The following CUL1 variants were observed in gnomAD, a reference collection of about 807,000 sequenced individuals.
CUL1 encodes the protein cullin-1.
In CUL1, 24 loss-of-function variants were observed where a neutral mutation model predicts 118.0. That is an observed-to-expected ratio of 0.20 (90% CI 0.15 to 0.29). The LOEUF is 0.29. Ranked by LOEUF, CUL1 falls within the 10% of genes least tolerant of loss-of-function variation. The pLI is 1.00. For synonymous variants in CUL1, 332 were observed against 340.4 expected, an observed-to-expected ratio of 0.98 and a Z score of 0.27; for missense variants, 361 against 933.8, an observed-to-expected ratio of 0.39 and a Z score of 7.99.
intron 11 of CUL1, 51 bp from the exon 12 acceptor site, chr7:148,786,500 T>G: frequency 7.2e-7 from 1 of 1,391,100 alleles, no homozygotes; most frequent in Admixed American, 1.7e-5. Context: ...AAGTGGTGCT[T>G]GTTTAAACGT....
At chr7:148,729,587 A>C (rs191099941) in intron 1 of CUL1, among the ~76,000 whole-genome samples, 1 of 152,246 alleles carries the variant, frequency 6.6e-6, no homozygotes, top group Admixed American at 6.5e-5. Flanking sequence ...CCTATTTATT[A>C]GCTGTTTGTG....
rs1412699655 is a variant in CUL1, at chr7:148,800,713, C to T, written c.*131C>T. 2 of 665,396 alleles carry T rather than the reference C, an allele frequency of 3.0e-6. No homozygotes were observed. The highest frequency in any genetic ancestry group is 1.8e-5 in the African/African-American group (1 of 54,782). The allele number at this position is 665,396 out of a possible 1,614,324, so 41.2% of individuals were successfully genotyped here. On this transcript the variant is annotated 3_prime_UTR_variant, in exon 22 of 22. Coordinates refer to ENST00000325222, the MANE Select transcript of CUL1 (RefSeq NM_003592.3). The surrounding 1 kb of genome is among the most constrained non-coding windows in gnomAD (Gnocchi z 4.6). ...CCTTTTAAAAACTGAGACCAAGACT[C>T]CCATCAGCTGGTCTCGGATTTACAT...
intron 1 of CUL1, among the ~76,000 whole-genome samples, chr7:148,729,748 T>C (rs1025330870): frequency 6.6e-6 from 1 of 152,234 alleles, no homozygotes; most frequent in East Asian, 1.9e-4. Flanking sequence ...TTTACCCAGG[T>C]TTTCTCTTGA....
intron 1 of CUL1, among the ~76,000 whole-genome samples, chr7:148,727,111 G>C (rs1798612059): frequency 6.6e-6 from 1 of 152,248 alleles, no homozygotes; most frequent in Non-Finnish European, 1.5e-5. Flanking sequence ...GCCTAGGACA[G>C]TGCCTGGCAT....
intron 9 of CUL1, among the ~76,000 whole-genome samples, chr7:148,768,902 G>A (rs544814746): frequency 6.6e-6 from 1 of 152,178 alleles, no homozygotes; most frequent in East Asian, 1.9e-4. Flanking sequence ...ATTATTAAAG[G>A]GTTGAGTATA....
chr7:148,720,628 A>G (rs1160593892), intron 1 of CUL1, among the ~76,000 whole-genome samples: 2 of 152,230 alleles, frequency 1.3e-5, no homozygotes, highest in Non-Finnish European at 2.9e-5. Flanking sequence ...CGTAACTCCT[A>G]GGATTCCAAG....
chr7:148,726,703 G>T (rs560561759), intron 1 of CUL1, among the ~76,000 whole-genome samples: 1 of 152,118 alleles, frequency 6.6e-6, no homozygotes, highest in Non-Finnish European at 1.5e-5. Flanking sequence ...TTCATCTGAA[G>T]AGGAAGGGTC....
chr7:148,798,732 C>T lies in CUL1; in HGVS notation c.2136+55C>T, dbSNP rs914752268. ...TGCTGTCCCTCACGCAGGGATGGCT[C>T]GCAAGGACGGGCCGTGGGGGGTAGG... On this transcript the variant is annotated intron_variant, in intron 20 of 21. Transcript: ENST00000325222. 16 of 1,443,142 alleles carry T rather than the reference C, an allele frequency of 1.1e-5. No homozygotes were observed. In the East Asian group the frequency reaches 1.1e-4, roughly 10 times the overall value. The allele number at this position is 1,443,142 out of a possible 1,614,324, so 89.4% of individuals were successfully genotyped here.
chr7:148,735,032 T>G (rs929373995), intron 2 of CUL1, among the ~76,000 whole-genome samples: 2 of 152,194 alleles, frequency 1.3e-5, no homozygotes, highest in Non-Finnish European at 1.5e-5. Context: ...TTTTCCAGTC[T>G]TCTTTTCCCC....
intron 11 of CUL1, among the ~76,000 whole-genome samples, chr7:148,784,459 T>C (rs1800754560): frequency 6.6e-6 from 1 of 152,226 alleles, no homozygotes; most frequent in Admixed American, 6.5e-5. Context: ...TGCTGTTTCA[T>C]ATTCTTTACT....
chr7:148,743,578 T>G (rs948630953), intron 2 of CUL1, among the ~76,000 whole-genome samples: 2 of 152,222 alleles, frequency 1.3e-5, no homozygotes, highest in Non-Finnish European at 2.9e-5. Flanking sequence ...ATTGTGAAAT[T>G]GTCTCCTTTA....
At chr7:148,701,646 TG>T in intron 1 of CUL1, among the ~76,000 whole-genome samples, 1 of 152,074 alleles carries the variant, frequency 6.6e-6, no homozygotes, top group South Asian at 2.1e-4. Context: ...TCTGCTGGAG[TG>T]GGATAGGAAG....
At chr7:148,767,915 T>C (rs1800058789) in intron 9 of CUL1, among the ~76,000 whole-genome samples, 166 bp downstream of exon 9, 1 of 152,240 alleles carries the variant, frequency 6.6e-6, no homozygotes, top group South Asian at 2.1e-4. Context: ...GACATCTTTG[T>C]TTAGTAAATA....
At chr7:148,749,952 G>A (rs1799435002) in intron 2 of CUL1, among the ~76,000 whole-genome samples, 1 of 152,206 alleles carries the variant, frequency 6.6e-6, no homozygotes, top group South Asian at 2.1e-4. Context: ...TGCTGGTAAG[G>A]AGAAAGTTGG....
chr7:148,749,502 TA>T (rs1369062814), intron 2 of CUL1, among the ~76,000 whole-genome samples: 3 of 151,712 alleles, frequency 2.0e-5, no homozygotes, highest in Admixed American at 1.3e-4. Flanking sequence ...AATAGTTCTT[TA>T]AAAAACCGAC....
chr7:148,775,795 A>C (rs1800373837), intron 9 of CUL1, among the ~76,000 whole-genome samples: 1 of 152,150 alleles, frequency 6.6e-6, no homozygotes, highest in Non-Finnish European at 1.5e-5. Flanking sequence ...ACTTTTAAAG[A>C]ATACATTTTT....
intron 7 of CUL1, among the ~76,000 whole-genome samples, chr7:148,763,549 T>G (rs543688128): frequency 9.7e-4 from 148 of 152,318 alleles, no homozygotes; most frequent in Middle Eastern, 3.4e-3. Context: ...ATTCCTTATC[T>G]GTAAAATGTG....
At chr7:148,783,916 C>G in intron 10 of CUL1, 26 bp downstream of exon 10, 1 of 1,613,230 alleles carries the variant, frequency 6.2e-7, no homozygotes, top group Non-Finnish European at 8.5e-7. Context: ...TTGTGACTTG[C>G]CTGTAGTATG....
chr7:148,736,007 TAAAAAAA>T (rs60787796), intron 2 of CUL1, among the ~76,000 whole-genome samples: 1 of 132,720 alleles, frequency 7.5e-6, no homozygotes. Context: ...ACCTTGTCTT[TAAAAAAA>T]AAAAAAAAAA....
Sources: gnomAD v4.1 joint callset for allele counts (sites outside exome capture counted in the v4.1 genomes callset) on GRCh38, gnomAD v4.1.1 for gene constraint, Gnocchi (gnomAD v3.1) non-coding constraint, MANE v1.5 for transcripts, NCBI Gene and HGNC (gene_info 2026-07-23, HGNC 2026-07-21) for gene names.